The following CATSPERD variants were observed in gnomAD, a reference collection of about 807,000 sequenced individuals.
CATSPERD encodes cation channel sperm-associated auxiliary subunit delta.
CATSPERD carries 86 observed loss-of-function variants against 98.1 expected under a neutral mutation model. The ratio of observed to expected loss-of-function variants is 0.88; its 90% CI spans 0.74 to 1.05. The LOEUF is 1.05. Among genes scored for constraint, CATSPERD ranks in the 50% least tolerant of loss-of-function variants. The probability of loss-of-function intolerance (pLI) is 0.00; values close to 1 mark genes in which losing one functional copy is unlikely to be tolerated. For synonymous variants in CATSPERD, 394 were observed against 390.2 expected (o/e 1.01, Z -0.12); for missense variants, 995 against 1,005.7 (o/e 0.99, Z 0.14).
chr19:5,767,413 G>GTT (rs771382470), intron 17 of CATSPERD, among the ~76,000 whole-genome samples: 4 of 143,890 alleles, frequency 2.8e-5, no homozygotes, highest in African/African-American at 5.1e-5. Flanking sequence ...GGTCTCTCAG[G>GTT]TTTTTTTTTT....
At chr19:5,776,420 C>G in intron 21 of CATSPERD, 105 bp downstream of exon 21, 1 of 1,313,450 alleles carries the variant, frequency 7.6e-7, no homozygotes, top group Non-Finnish European at 1.1e-6. Flanking sequence ...TGAATTCCCC[C>G]AACAGCCCAG....
chr19:5,743,501 G>A (rs545343572), intron 7 of CATSPERD, among the ~76,000 whole-genome samples: 18 of 151,034 alleles, frequency 1.2e-4, no homozygotes, highest in African/African-American at 4.4e-4. Flanking sequence ...GAGATGGGGA[G>A]GCAGGGAGGA....
At chr19:5,768,139 C>A (rs2145849524) in intron 17 of CATSPERD, 29 bp from the exon 18 acceptor site, 1 of 1,601,498 alleles carries the variant, frequency 6.2e-7, no homozygotes, top group Non-Finnish European at 8.5e-7. Flanking sequence ...GAGGTCATGC[C>A]ATTGCTCAAT....
Position 5,776,180 on chromosome 19 carries a change from AC to A in CATSPERD, c.1965del (p.Asn656ThrfsTer6). On this transcript the variant is annotated frameshift_variant, in exon 21 of 22. Coordinates refer to ENST00000381624, the MANE Select transcript of CATSPERD (RefSeq NM_152784.4). LOFTEE classifies it high-confidence loss of function. ...WNRENYVSCH[D>X]PNNNAPLRWP... ...CCACAGAACTATGTGAGCTGCCACG[AC>A]CCCAACAACAATGCCCCTTTGAGGT... The A allele has an allele frequency of 3.1e-6, 5 of 1,614,084 alleles. No individual in the cohort carries two copies. The highest frequency in any genetic ancestry group is 4.2e-6 in the Non-Finnish European group (5 of 1,179,988).
chr19:5,757,792 C>T (rs577861049), intron 13 of CATSPERD, 51 bp from the exon 14 acceptor site: 16 of 1,455,788 alleles, frequency 1.1e-5, no homozygotes, highest in South Asian at 7.0e-5. Context: ...TTTGTCACCC[C>T]GTCCTGCCTG....
intron 12 of CATSPERD, 90 bp from the exon 13 acceptor site, chr19:5,754,042 C>A (rs2056276132): frequency 2.4e-6 from 2 of 827,550 alleles, no homozygotes; most frequent in African/African-American, 1.7e-5. Flanking sequence ...GCTGCAGGAC[C>A]AGGAGGGTCC....
Position 5,745,621 on chromosome 19 carries a change from AAAAAT to A in CATSPERD, c.658-268_658-264del, listed in dbSNP as rs370829150. On this transcript the variant is annotated intron_variant, in intron 8 of 21. Transcript: ENST00000381624. ...GGGCAACAGAGCCAGACTCCACCTCAAAAATAAAATAAAATAAAATAAAATAAATC... is the reference window on the plus strand; with the variant it reads ...GGGCAACAGAGCCAGACTCCACCTCAAAAATAAAATAAAATAAAATAAATC... Among the ~76,000 whole-genome samples the A allele has an allele frequency of 1.7e-3, 262 of 152,254 alleles. 1 individual carries two copies. The highest frequency in any genetic ancestry group is 6.1e-3 in the African/African-American group (253 of 41,552).
chr19:5,752,312 TAATA>T (rs1008641302), intron 12 of CATSPERD, among the ~76,000 whole-genome samples: 4 of 150,948 alleles, frequency 2.6e-5, no homozygotes, highest in Admixed American at 6.6e-5. Flanking sequence ...TCGTCTCAAA[TAATA>T]AATAAATAAA....
At chr19:5,766,575 G>A (rs1464950983) in intron 17 of CATSPERD, among the ~76,000 whole-genome samples, 2 of 136,958 alleles carry the variant, frequency 1.5e-5, no homozygotes, top group Non-Finnish European at 3.3e-5. Context: ...GATGACTTTC[G>A]ATTATTTAGT....
intron 3 of CATSPERD, among the ~76,000 whole-genome samples, chr19:5,728,703 CTCTT>C (rs1289000709): frequency 1.5e-5 from 2 of 134,474 alleles, no homozygotes; most frequent in Non-Finnish European, 3.3e-5. Flanking sequence ...CTCTCTCTCT[CTCTT>C]TTTTTTTTTG....
intron 7 of CATSPERD, among the ~76,000 whole-genome samples, chr19:5,742,926 C>T (rs1364912782): frequency 6.6e-6 from 1 of 152,118 alleles, no homozygotes; most frequent in African/African-American, 2.4e-5. Context: ...TAATAGACCC[C>T]CAAAGGTGTC....
At chr19:5,753,704 A>AT in intron 12 of CATSPERD, 5 of 264,640 alleles carry the variant, frequency 1.9e-5, no homozygotes, top group Admixed American at 4.6e-5. Context: ...CCTTGTCTCT[A>AT]TTAAAAAAAA....
chr19:5,750,301 A>C (rs1034331797), intron 11 of CATSPERD, among the ~76,000 whole-genome samples: 1 of 147,060 alleles, frequency 6.8e-6, no homozygotes, highest in African/African-American at 2.5e-5. Flanking sequence ...AATACGAAAA[A>C]ATTAGCCGGG....
Position 5,751,664 on chromosome 19 carries a change from C to G in CATSPERD, c.1005C>G (p.Ile335Met), listed in dbSNP as rs1464528891. 5.7e-6 allele frequency: 9 copies of G among 1,590,024 alleles called. No homozygotes were observed. The highest frequency in any genetic ancestry group is 7.7e-6 in the Non-Finnish European group (9 of 1,165,420). The change falls in exon 12 of 22, where the codon ATC (isoleucine) becomes ATG (methionine). Residue 335 changes from isoleucine (I) to methionine (M), a missense_variant. Ile to Met is a conservative substitution (Grantham distance 10, BLOSUM62 1). Around this residue, in one of 3 missense-constraint regions of CATSPERD, gnomAD observed 762 missense variants for 773.7 expected, o/e 0.98. Transcript: ENST00000381624. ...SSIIKFADQYIWSEDVALMFR... is the reference protein window; with the variant it reads ...SSIIKFADQYMWSEDVALMFR... ...CTTCTTAGTTTGCAGACCAATACAT[C>G]TGGTCAGAAGACGTGGCCCTGATGT... is the stretch of plus-strand genomic sequence containing the variant.
chr19:5,757,718 G>A, intron 13 of CATSPERD, 125 bp from the exon 14 acceptor site: 1 of 626,034 alleles, frequency 1.6e-6, no homozygotes. Context: ...TGGGATTACA[G>A]ATATGAGCCA....
chr19:5,720,924 T>A (rs2055449491), intron 1 of CATSPERD, 116 bp downstream of exon 1: 6 of 805,464 alleles, frequency 7.4e-6, no homozygotes, highest in Non-Finnish European at 1.1e-5. Context: ...TTTACTCTTT[T>A]TAGGAATCGA....
chr19:5,757,800 C>G, intron 13 of CATSPERD, 43 bp from the exon 14 acceptor site: 1 of 1,525,934 alleles, frequency 6.6e-7, no homozygotes, highest in Non-Finnish European at 9.0e-7. Context: ...CCCGTCCTGC[C>G]TGCTGGCTCC....
chr19:5,769,070 C>T (rs892022386), intron 18 of CATSPERD, among the ~76,000 whole-genome samples: 1 of 151,590 alleles, frequency 6.6e-6, no homozygotes, highest in South Asian at 2.1e-4. Flanking sequence ...AGGAGAGTTG[C>T]TTGAAACTGG....
chr19:5,752,711 G>A (rs974865509), intron 12 of CATSPERD, among the ~76,000 whole-genome samples: 3 of 152,032 alleles, frequency 2.0e-5, no homozygotes, highest in African/African-American at 4.8e-5. Flanking sequence ...GCCCAACAGC[G>A]TGGGGACTTC....
Sources: allele counts gnomAD v4.1 joint callset (sites outside exome capture counted in the v4.1 genomes callset), GRCh38; gene constraint gnomAD v4.1.1; regional missense constraint gnomAD v4.1.1; transcripts MANE v1.5; gene names NCBI Gene and HGNC (gene_info 2026-07-23, HGNC 2026-07-21).